The following TBC1D14 variants were observed in gnomAD, a reference collection of about 807,000 sequenced individuals.
TBC1D14 encodes TBC1 domain family member 14.
Under a neutral mutation model 79.0 loss-of-function variants are expected in TBC1D14, and 26 were observed. That is an observed-to-expected ratio of 0.33 (90% confidence interval 0.24 to 0.46). TBC1D14 has a LOEUF of 0.46. TBC1D14 is among the 20% of genes least tolerant of loss of function. The pLI is 1.00. For synonymous variants in TBC1D14, 394 were observed against 349.9 expected (o/e 1.13, Z -1.40); for missense variants, 769 against 887.6 (o/e 0.87, Z 1.70).
chr4:6,920,111 A>C (rs892184370), intron 1 of TBC1D14, among the ~76,000 whole-genome samples: 2 of 151,946 alleles, frequency 1.3e-5, no homozygotes, highest in Non-Finnish European at 2.9e-5. Context: ...TGGGGGTCTC[A>C]CTGTGTTGCC....
At chr4:6,948,411 T>C (rs943752798) in intron 2 of TBC1D14, among the ~76,000 whole-genome samples, 1 of 152,240 alleles carries the variant, frequency 6.6e-6, no homozygotes, top group African/African-American at 2.4e-5. Flanking sequence ...AGGTTTTGCA[T>C]AGCAGTAGCA....
chr4:7,015,383 G>A (rs967819434), intron 12 of TBC1D14, among the ~76,000 whole-genome samples: 1 of 152,186 alleles, frequency 6.6e-6, no homozygotes, highest in Non-Finnish European at 1.5e-5. Context: ...GAAGGGGTTT[G>A]CTGATGCCTT....
intron 2 of TBC1D14, among the ~76,000 whole-genome samples, chr4:6,939,228 A>G (rs1352744727): frequency 1.3e-5 from 2 of 152,138 alleles, no homozygotes; most frequent in African/African-American, 4.8e-5. Context: ...AATCAGCAGT[A>G]GTCCCTGCTG....
intron 4 of TBC1D14, among the ~76,000 whole-genome samples, chr4:6,994,999 G>A (rs547827027): frequency 1.3e-5 from 2 of 152,224 alleles, no homozygotes; most frequent in South Asian, 2.1e-4. Flanking sequence ...AAGTCCAGTC[G>A]TTTTCATGCT....
chr4:6,936,126 A>G (rs950604929), intron 2 of TBC1D14, among the ~76,000 whole-genome samples: 1 of 152,130 alleles, frequency 6.6e-6, no homozygotes. Context: ...TCCATTTGTT[A>G]CTGTCGATGA....
intron 2 of TBC1D14, among the ~76,000 whole-genome samples, chr4:6,961,175 C>T (rs943740812): frequency 6.6e-6 from 1 of 150,886 alleles, no homozygotes; most frequent in Non-Finnish European, 1.5e-5. Context: ...GCCCTTTTCC[C>T]TGTGCAAAAG....
chr4:7,025,809 G>A (rs916009904), intron 13 of TBC1D14, among the ~76,000 whole-genome samples: 3 of 152,222 alleles, frequency 2.0e-5, no homozygotes, highest in East Asian at 1.9e-4. Flanking sequence ...AAACAGTGGC[G>A]CGGATAGTCC....
intron 3 of TBC1D14, among the ~76,000 whole-genome samples, chr4:6,976,357 T>C (rs1716711346): frequency 6.6e-6 from 1 of 152,092 alleles, no homozygotes; most frequent in African/African-American, 2.4e-5. Context: ...CTCTAAAAAG[T>C]AAGAAGTCCA....
chr4:6,971,497 A>G (rs1205815559), intron 3 of TBC1D14, among the ~76,000 whole-genome samples: 1 of 152,120 alleles, frequency 6.6e-6, no homozygotes, highest in Non-Finnish European at 1.5e-5. Flanking sequence ...GAAATATTGA[A>G]ATGTTAACTT....
At chr4:6,919,870 T>C (rs150324291) in intron 1 of TBC1D14, among the ~76,000 whole-genome samples, 60 of 152,086 alleles carry the variant, frequency 3.9e-4, no homozygotes, top group East Asian at 1.6e-3. Context: ...CTGCCCGCCT[T>C]GGCCTCCCAA....
intron 3 of TBC1D14, among the ~76,000 whole-genome samples, chr4:6,993,833 A>C (rs1357844018): frequency 6.6e-6 from 1 of 152,190 alleles, no homozygotes; most frequent in African/African-American, 2.4e-5. Context: ...AACATGGTGA[A>C]ACCCCATCTC....
Position 6,996,348 on chromosome 4 carries a change from A to C in TBC1D14, c.986A>C (p.Glu329Ala). The stretch of plus-strand genomic sequence containing the variant: ...AGAAATCTCCCAGCAAAACCAGCTG[A>C]AGAAGCTCAGAAGCACAGACAGCAG... The part of the protein sequence containing the change: ...RPANLPAKPA[E>A]EAQKHRQQYE... The change falls in exon 5 of 14, where the codon GAA (glutamate) becomes GCA (alanine). Residue 329 changes from glutamate to alanine, a missense_variant. Glu to Ala is a moderately radical substitution (Grantham distance 107, BLOSUM62 -1). This residue lies in a region of TBC1D14 where 367 missense variants were observed against 494.4 expected (regional missense o/e 0.74). Coordinates refer to ENST00000409757, the MANE Select transcript of TBC1D14 (RefSeq NM_020773.3). 1 of 1,613,934 alleles carries C rather than the reference A, an allele frequency of 6.2e-7. No individual in the cohort carries two copies. Among genetic ancestry groups the C allele is most frequent in the Non-Finnish European group, 8.5e-7 (1 of 1,179,862 alleles).
intron 3 of TBC1D14, among the ~76,000 whole-genome samples, chr4:6,969,325 C>A (rs1716008561): frequency 6.6e-6 from 1 of 152,144 alleles, no homozygotes; most frequent in Admixed American, 6.5e-5. Context: ...GCAACAATTA[C>A]ATTAAAAAGA....
intron 2 of TBC1D14, among the ~76,000 whole-genome samples, chr4:6,939,730 C>G (rs1375465210): frequency 9.0e-6 from 1 of 110,872 alleles, no homozygotes; most frequent in Non-Finnish European, 1.8e-5. Flanking sequence ...TGGCAGAGTT[C>G]CTGAGGAGAG....
At chr4:6,954,227 G>A (rs1391431456) in intron 2 of TBC1D14, 3 of 713,718 alleles carry the variant, frequency 4.2e-6, no homozygotes, top group Non-Finnish European at 7.8e-6. Context: ...TGGCTCTGGC[G>A]TGCCAGGAAT....
At chr4:6,916,877 T>G (rs1416896949) in intron 1 of TBC1D14, among the ~76,000 whole-genome samples, 1 of 152,244 alleles carries the variant, frequency 6.6e-6, no homozygotes, top group Non-Finnish European at 1.5e-5. Flanking sequence ...CTCCTGTGCC[T>G]TGGGCACCTA....
At chr4:6,917,651 GA>G (rs1246729295) in intron 1 of TBC1D14, among the ~76,000 whole-genome samples, 2 of 152,140 alleles carry the variant, frequency 1.3e-5, no homozygotes, top group Non-Finnish European at 2.9e-5. Context: ...GGCAGAGACG[GA>G]TCAGGAGGGC....
chr4:7,023,977 A>C (rs1722084798), intron 12 of TBC1D14, among the ~76,000 whole-genome samples: 1 of 152,146 alleles, frequency 6.6e-6, no homozygotes, highest in Non-Finnish European at 1.5e-5. Flanking sequence ...GGTTCTGATG[A>C]GGGACAGCCT....
At chr4:6,946,938 G>T (rs1042533987) in intron 2 of TBC1D14, among the ~76,000 whole-genome samples, 1 of 152,142 alleles carries the variant, frequency 6.6e-6, no homozygotes, top group Non-Finnish European at 1.5e-5. Flanking sequence ...CAAACTTATT[G>T]TTAAGTCCTC....
Sources: gnomAD v4.1 joint callset for allele counts (sites outside exome capture counted in the v4.1 genomes callset) on GRCh38, gnomAD v4.1.1 for gene constraint, gnomAD v4.1.1 regional missense constraint, MANE v1.5 for transcripts, NCBI Gene and HGNC (gene_info 2026-07-23, HGNC 2026-07-21) for gene names.